TIAM1: variants seen among roughly 807,000 people sequenced by gnomAD.
TIAM1 encodes the protein rho guanine nucleotide exchange factor TIAM1.
A neutral mutation model predicts 163.5 loss-of-function variants in TIAM1; 65 were observed. The ratio of observed to expected loss-of-function variants is 0.40; its 90% CI spans 0.33 to 0.49. The LOEUF is 0.49. Among genes scored for constraint, TIAM1 ranks in the 20% least tolerant of loss-of-function variants. TIAM1 has a pLI of 0.77. For synonymous variants in TIAM1, 833 were observed against 810.1 expected (o/e 1.03, Z -0.48); for missense variants, 1,789 against 2,044.7 (o/e 0.87, Z 2.41).
intron 2 of TIAM1, among the ~76,000 whole-genome samples, chr21:31,437,139 T>C (rs560475584): frequency 1.3e-5 from 2 of 152,300 alleles, no homozygotes; most frequent in African/African-American, 4.8e-5. Context: ...TTCCGGTCTA[T>C]TTTTAATGTA....
At chr21:31,191,762 C>T (rs755926505) in intron 13 of TIAM1, among the ~76,000 whole-genome samples, 4 of 152,182 alleles carry the variant, frequency 2.6e-5, no homozygotes, top group Non-Finnish European at 5.9e-5. Flanking sequence ...TAAATGGGTT[C>T]TGTGAGTAAT....
intron 1 of TIAM1, among the ~76,000 whole-genome samples, chr21:31,523,199 A>T (rs2047664579): frequency 6.6e-6 from 1 of 152,244 alleles, no homozygotes; most frequent in Admixed American, 6.5e-5. Flanking sequence ...GTATCAAAGT[A>T]CAGAGCTACA....
intron 2 of TIAM1, among the ~76,000 whole-genome samples, chr21:31,304,714 T>G (rs1177424198): frequency 6.6e-6 from 1 of 152,224 alleles, no homozygotes; most frequent in Non-Finnish European, 1.5e-5. Flanking sequence ...CGAGTCTCAC[T>G]CTATCGCCCA....
chr21:31,535,089 CA>C (rs756003129), intron 1 of TIAM1, among the ~76,000 whole-genome samples: 1,491 of 139,532 alleles, frequency 0.011, 13 homozygotes, highest in Non-Finnish European at 0.017. Flanking sequence ...GACCCTGTCT[CA>C]AAAAAAAAAA....
chr21:31,328,546 T>A (rs11908831), intron 2 of TIAM1, among the ~76,000 whole-genome samples: 13,690 of 151,504 alleles, frequency 0.09, 1,018 homozygotes, highest in African/African-American at 0.2. Flanking sequence ...TATTATTATT[T>A]TTTTTTTTTA....
intron 2 of TIAM1, among the ~76,000 whole-genome samples, chr21:31,377,806 T>C (rs571800358): frequency 9.3e-5 from 14 of 150,906 alleles, no homozygotes; most frequent in Non-Finnish European, 2.9e-5. Context: ...AGTCAGCAGC[T>C]ACATTTTTCA....
At chr21:31,399,618 GAT>G (rs1479304832) in intron 2 of TIAM1, among the ~76,000 whole-genome samples, 1 of 152,184 alleles carries the variant, frequency 6.6e-6, no homozygotes, top group African/African-American at 2.4e-5. Context: ...TGTGTCTTGA[GAT>G]ATATGTTATA....
chr21:31,259,944 T>C (rs1220000997), intron 4 of TIAM1, among the ~76,000 whole-genome samples: 1 of 151,406 alleles, frequency 6.6e-6, no homozygotes, highest in African/African-American at 2.4e-5. Context: ...AATAAAATAT[T>C]GTATTACTTT....
At chr21:31,386,238 G>C (rs530416369) in intron 2 of TIAM1, among the ~76,000 whole-genome samples, 1 of 151,984 alleles carries the variant, frequency 6.6e-6, no homozygotes, top group Non-Finnish European at 1.5e-5. Context: ...GTGCTGAGCA[G>C]AGACTTGTGT....
chr21:31,508,789 A>G (rs1319988881), intron 1 of TIAM1, among the ~76,000 whole-genome samples: 1 of 152,064 alleles, frequency 6.6e-6, no homozygotes, highest in East Asian at 1.9e-4. Flanking sequence ...TATATCCGAG[A>G]TCCTAGCGTT....
intron 1 of TIAM1, among the ~76,000 whole-genome samples, chr21:31,520,719 A>G (rs751597426): frequency 6.6e-6 from 1 of 152,264 alleles, no homozygotes; most frequent in Non-Finnish European, 1.5e-5. Context: ...CAACAAAGCC[A>G]GTCAAAAGCA....
chr21:31,389,657 CG>C (rs2076936595), intron 2 of TIAM1, among the ~76,000 whole-genome samples: 1 of 152,216 alleles, frequency 6.6e-6, no homozygotes, highest in African/African-American at 2.4e-5. Context: ...ACAGACTGGT[CG>C]GCTAGACAAT....
intron 1 of TIAM1, among the ~76,000 whole-genome samples, chr21:31,558,295 C>A (rs1008075244): frequency 1.3e-5 from 2 of 152,094 alleles, no homozygotes; most frequent in Admixed American, 6.5e-5. Flanking sequence ...GCATTGTCTG[C>A]GCACCCGCAG....
At chr21:31,430,409 G>A (rs977424863) in intron 2 of TIAM1, among the ~76,000 whole-genome samples, 5 of 151,522 alleles carry the variant, frequency 3.3e-5, no homozygotes, top group Admixed American at 2.6e-4. Context: ...CATGGAATAG[G>A]AAACACTTGT....
intron 7 of TIAM1, 152 bp downstream of exon 7, chr21:31,225,574 G>T: frequency 1.6e-6 from 1 of 633,052 alleles, no homozygotes; most frequent in Non-Finnish European, 2.7e-6. Context: ...GAAGAACACT[G>T]ACAGTCACAG....
intron 1 of TIAM1, among the ~76,000 whole-genome samples, chr21:31,542,881 T>A (rs1408575132): frequency 1.3e-5 from 2 of 151,868 alleles, no homozygotes; most frequent in Non-Finnish European, 2.9e-5. Flanking sequence ...GGTAGAAGAA[T>A]CACTCAAACT....
chr21:31,125,570 A>G (rs2082165679), intron 26 of TIAM1, among the ~76,000 whole-genome samples: 1 of 152,006 alleles, frequency 6.6e-6, no homozygotes, highest in Non-Finnish European at 1.5e-5. Flanking sequence ...CCCACCATTT[A>G]TTTTCTTTTT....
intron 14 of TIAM1, among the ~76,000 whole-genome samples, chr21:31,183,571 C>T (rs1261526831): frequency 6.6e-6 from 1 of 152,190 alleles, no homozygotes; most frequent in African/African-American, 2.4e-5. Context: ...AGAAGCCTCC[C>T]AGGCCCTCGG....
chr21:31,385,971 T>C (rs2076864628), intron 2 of TIAM1, among the ~76,000 whole-genome samples: 1 of 148,048 alleles, frequency 6.8e-6, no homozygotes, highest in Non-Finnish European at 1.5e-5. Flanking sequence ...TTATATATAA[T>C]ATATATAATA....
Sources: gnomAD v4.1 joint callset for allele counts (sites outside exome capture counted in the v4.1 genomes callset) on GRCh38, gnomAD v4.1.1 for gene constraint, MANE v1.5 for transcripts, NCBI Gene and HGNC (gene_info 2026-07-23, HGNC 2026-07-21) for gene names.